The following GPR151 variants were observed in gnomAD, a reference collection of about 807,000 sequenced individuals.
GPR151 encodes G protein-coupled receptor 151, also known as G-protein coupled receptor PGR7.
A neutral mutation model predicts 18.2 loss-of-function variants in GPR151; 16 were observed. The observed-to-expected ratio is 0.88, with a 90% CI of 0.60 to 1.34. GPR151 has a LOEUF of 1.34. Among genes scored for constraint, GPR151 ranks in the 40% most tolerant of loss-of-function variants. GPR151 has a pLI of 0.00. For missense variants in GPR151, 509 were observed against 504.3 expected, an observed-to-expected ratio of 1.01 and a Z score of -0.09; for synonymous variants, 202 against 191.2, an observed-to-expected ratio of 1.06 and a Z score of -0.47.
In GPR151 at chr5:146,514,636, T is replaced by C; in HGVS notation, c.*218A>G. ...GACAGCAACATCTTTACACAACACT[T>C]AAATTGTTTGGGAAGCCAAGTTCTA... On this transcript the variant is annotated 3_prime_UTR_variant, in exon 1 of 1. Transcript: ENST00000311104. 2.0e-6 allele frequency: 1 copy of C among 498,600 alleles called. No homozygotes were observed. Among genetic ancestry groups the C allele is most frequent in the Admixed American group, 3.8e-5 (1 of 26,528 alleles). The allele number at this position is 498,600 out of a possible 1,614,324, so 30.9% of individuals were successfully genotyped here.
Position 146,515,389 on chromosome 5 carries a change from T to C in GPR151, c.725A>G (p.Gln242Arg). 1 of 1,614,232 alleles carries C rather than the reference T, an allele frequency of 6.2e-7. No individual in the cohort carries two copies. The highest frequency in any genetic ancestry group is 8.5e-7 in the Non-Finnish European group (1 of 1,180,046). ...CACTGTGACTTGCTTTGAGCGTATC[T>C]GGTTTCTAAGATTTTGAGTCTTAGT... The part of the protein sequence containing the change: ...RGTKTQNLRN[Q>R]IRSKQVTVML... Residue 242 changes from glutamine to arginine, a missense_variant, in exon 1 of 1, where the codon CAG (glutamine) becomes CGG (arginine). Coordinates refer to ENST00000311104, the MANE Select transcript of GPR151 (RefSeq NM_194251.3).
chr5:146,515,301 C>G lies in GPR151; in HGVS notation c.813G>C (p.Leu271=). Residue 271 remains leucine, a synonymous_variant, in exon 1 of 1, where the codon CTG becomes CTC. Transcript: ENST00000311104. The stretch of plus-strand genomic sequence containing the variant: ...CTGCAGCCTTCAGATGCCATACCCA[C>G]AGCCAAGCTACCCATTCGGGGAGCC... The part of the protein sequence containing the change: ...LLWLPEWVAW[L]WVWHLKAAGP... The G allele has an allele frequency of 6.2e-7, 1 of 1,614,202 alleles. No individual in the cohort carries two copies. The highest frequency in any genetic ancestry group is 1.1e-5 in the South Asian group (1 of 91,082).
At position 146,515,006 on chromosome 5, in the gene GPR151, A is replaced by G; in HGVS notation, c.1108T>C (p.Ser370Pro). ...GCCTTCTCAGTTTTCCCTTTGCCAG[A>G]GGAGGGAGAGCTGGGTTTCTCTTTT... ...PEKEKPSSPS[S>P]GKGKTEKAEI... The change falls in exon 1 of 1, where the codon TCT becomes CCT. Residue 370 changes from serine (S) to proline (P), a missense_variant. Physicochemically the swap from Ser to Pro is moderately conservative, Grantham distance 74. Transcript: ENST00000311104. The G allele has an allele frequency of 1.2e-6, 2 of 1,614,158 alleles. No individual in the cohort carries two copies. The highest frequency in any genetic ancestry group is 1.7e-6 in the Non-Finnish European group (2 of 1,180,028).
chr5:146,515,567 C>G lies in GPR151; in HGVS notation c.547G>C (p.Gly183Arg). ...WFFSTIRHHEGVEMCLVDVPA... is the reference protein window; with the variant it reads ...WFFSTIRHHERVEMCLVDVPA... Reference sequence around the variant, plus strand: ...ACATCCACGAGGCACATTTCCACACCTTCATGATGCCTGATGGTGCTAAAG... The same window carrying G: ...ACATCCACGAGGCACATTTCCACACGTTCATGATGCCTGATGGTGCTAAAG... The change falls in exon 1 of 1, where the codon GGT (glycine) becomes CGT (arginine). Residue 183 changes from glycine (G) to arginine (R), a missense_variant. Gly to Arg is a moderately radical substitution (Grantham distance 125). Coordinates refer to ENST00000311104, the MANE Select transcript of GPR151 (RefSeq NM_194251.3). 2 of 1,614,164 alleles carry G rather than the reference C, an allele frequency of 1.2e-6. No individual in the cohort carries two copies. The highest frequency in any genetic ancestry group is 2.2e-5 in the South Asian group (2 of 91,060).
chr5:146,515,640 C>T lies in GPR151; in HGVS notation c.474G>A (p.Leu158=). The change falls in exon 1 of 1, where the codon CTG becomes CTA. Residue 158 remains leucine (L), a synonymous_variant. Coordinates refer to ENST00000311104, the MANE Select transcript of GPR151 (RefSeq NM_194251.3). ...GGCTAGCCACAGTCCAGATGGCCAC[C>T]AGCACTGACCAGATGGTGTAGTTGT... ...SIHNYTIWSV[L]VAIWTVASLL... is the part of the protein sequence containing the mutation. The T allele has an allele frequency of 6.2e-7, 1 of 1,614,154 alleles. No individual in the cohort carries two copies. The highest frequency in any genetic ancestry group is 8.5e-7 in the Non-Finnish European group (1 of 1,180,028).
At position 146,515,182 on chromosome 5, in the gene GPR151, T is replaced by C; in HGVS notation, c.932A>G (p.Glu311Gly). The stretch of plus-strand genomic sequence containing the variant: ...ACCTTTCAAGCCTTCCCTGAACTCT[T>C]CCGACATCACAAGAAAAATGAGAGG... ...ANPLIFLVMS[E>G]EFREGLKGVW... Residue 311 changes from glutamate to glycine, a missense_variant, in exon 1 of 1, where the codon GAA becomes GGA. Coordinates refer to ENST00000311104, the MANE Select transcript of GPR151 (RefSeq NM_194251.3). 1 of 1,614,142 alleles carries C rather than the reference T, an allele frequency of 6.2e-7. No individual in the cohort carries two copies. Among genetic ancestry groups the C allele is most frequent in the Non-Finnish European group, 8.5e-7 (1 of 1,180,004 alleles).
chr5:146,513,700 C>T lies in GPR151; in HGVS notation c.*1154G>A, dbSNP rs1206222030. ...AGATTTTACCGTATGTCTGGGTACA[C>T]AGTTTTACTGCTTTCTGCATTGCCC... is the stretch of plus-strand genomic sequence containing the variant. On this transcript the variant is annotated 3_prime_UTR_variant, in exon 1 of 1. Coordinates refer to ENST00000311104, the MANE Select transcript of GPR151 (RefSeq NM_194251.3). 1 of 152,200 alleles carries T rather than the reference C, an allele frequency of 6.6e-6. No individual in the cohort carries two copies. The highest frequency in any genetic ancestry group is 1.5e-5 in the Non-Finnish European group (1 of 68,024). 9.4% of individuals were successfully genotyped at this position (152,200 alleles called of 1,614,324 possible).
chr5:146,516,016 T>C lies in GPR151; in HGVS notation c.98A>G (p.Gln33Arg), dbSNP rs1296547608. Residue 33 changes from glutamine (Q) to arginine (R), a missense_variant, in exon 1 of 1, where the codon CAG (glutamine) becomes CGG (arginine). Coordinates refer to ENST00000311104, the MANE Select transcript of GPR151 (RefSeq NM_194251.3). ...AGCCGGGATGATGGTTCTCCAGTCC[T>C]GGGAATCAGAGGGCAGGTACCCTCC... ...FAGGYLPSDS[Q>R]DWRTIIPALL... 6.2e-7 allele frequency: 1 copy of C among 1,613,792 alleles called. No homozygotes were observed. The highest frequency in any genetic ancestry group is 8.5e-7 in the Non-Finnish European group (1 of 1,179,938).
In GPR151 at chr5:146,514,863, A is replaced by C. The variant is rs1476932189; in HGVS notation, c.1251T>G (p.Gly417=). ...WEHEDQETGE[G]VK is the part of the protein sequence containing the mutation. ...GCTTTGAAACTTAAATCTATTTAACACCTTCCCCTGTCTCTTGATCTTCAT... is the reference window on the plus strand; with the variant it reads ...GCTTTGAAACTTAAATCTATTTAACCCCTTCCCCTGTCTCTTGATCTTCAT... The change falls in exon 1 of 1, where the codon GGT becomes GGG. Residue 417 remains glycine (G), a synonymous_variant. Transcript: ENST00000311104. The C allele has an allele frequency of 1.9e-6, 3 of 1,579,442 alleles. No individual in the cohort carries two copies. Among genetic ancestry groups the C allele is most frequent in the Non-Finnish European group, 2.6e-6 (3 of 1,163,368 alleles).
In GPR151 at chr5:146,514,890, T is replaced by G. The variant is rs1768576875; in HGVS notation, c.1224A>C (p.Glu408Asp). ...SVQDNDPIPW[E>D]HEDQETGEGV... ...CTTCCCCTGTCTCTTGATCTTCATGTTCCCAGGGGATAGGGTCATTGTCCT... is the reference window on the plus strand; with the variant it reads ...CTTCCCCTGTCTCTTGATCTTCATGGTCCCAGGGGATAGGGTCATTGTCCT... The change falls in exon 1 of 1, where the codon GAA becomes GAC. Residue 408 changes from glutamate (E) to aspartate (D), a missense_variant. Transcript: ENST00000311104. The G allele has an allele frequency of 1.3e-6, 2 of 1,598,832 alleles. No individual in the cohort carries two copies. The highest frequency in any genetic ancestry group is 2.3e-5 in the South Asian group (2 of 87,968).
chr5:146,515,166 G>A lies in GPR151; in HGVS notation c.948C>T (p.Gly316=), dbSNP rs765091998. The change falls in exon 1 of 1, where the codon GGC becomes GGT. Residue 316 remains glycine (G), a synonymous_variant. Transcript: ENST00000311104. ...TCATCCATTTCCATACACCTTTCAA[G>A]CCTTCCCTGAACTCTTCCGACATCA... ...FLVMSEEFRE[G]LKGVWKWMIT... 4.3e-6 allele frequency: 7 copies of A among 1,614,114 alleles called. No homozygotes were observed. The Admixed American group carries it at 1.0e-4, about 23-fold the overall frequency.
In GPR151 at chr5:146,513,253, C is replaced by T. The variant is rs894332396; in HGVS notation, c.*1601G>A. 2.0e-5 allele frequency: 3 copies of T among 151,966 alleles called. No individual in the cohort carries two copies. Among genetic ancestry groups the T allele is most frequent in the South Asian group, 2.1e-4 (1 of 4,818 alleles). 9.4% of individuals were successfully genotyped at this position (151,966 alleles called of 1,614,324 possible). ...CAATGATAATCCTTTTTATAACTACCATATCACAAGACAATATTTTGGATT... is the reference window on the plus strand; with the variant it reads ...CAATGATAATCCTTTTTATAACTACTATATCACAAGACAATATTTTGGATT... On this transcript the variant is annotated 3_prime_UTR_variant, in exon 1 of 1. Transcript: ENST00000311104.
rs1406040222 is a variant in GPR151, at chr5:146,514,163, A to G, written c.*691T>C. On this transcript the variant is annotated 3_prime_UTR_variant, in exon 1 of 1. Transcript: ENST00000311104. ...TTAGAAACTGAAGACTCATTCAGGTAGCTTTAAAAAGTTCACTGAAGCAGG... is the reference window on the plus strand; with the variant it reads ...TTAGAAACTGAAGACTCATTCAGGTGGCTTTAAAAAGTTCACTGAAGCAGG... 1 of 152,236 alleles carries G rather than the reference A, an allele frequency of 6.6e-6. No individual in the cohort carries two copies. The highest frequency in any genetic ancestry group is 6.5e-5 in the Admixed American group (1 of 15,286). The allele number at this position is 152,236 out of a possible 1,614,324, so 9.4% of individuals were successfully genotyped here.
chr5:146,514,864 C>T lies in GPR151; in HGVS notation c.1250G>A (p.Gly417Asp). Residue 417 changes from glycine (G) to aspartate (D), a missense_variant, in exon 1 of 1, where the codon GGT becomes GAT. Coordinates refer to ENST00000311104, the MANE Select transcript of GPR151 (RefSeq NM_194251.3). ...CTTTGAAACTTAAATCTATTTAACA[C>T]CTTCCCCTGTCTCTTGATCTTCATG... Reference protein sequence around the residue: ...WEHEDQETGEGVK With the variant: ...WEHEDQETGEDVK 1 of 1,583,930 alleles carries T rather than the reference C, an allele frequency of 6.3e-7. No homozygotes were observed. Among genetic ancestry groups the T allele is most frequent in the Non-Finnish European group, 8.6e-7 (1 of 1,165,028 alleles).
Position 146,514,612 on chromosome 5 carries a change from A to G in GPR151, c.*242T>C. On this transcript the variant is annotated 3_prime_UTR_variant, in exon 1 of 1. Transcript: ENST00000311104. Reference sequence around the variant, plus strand: ...ATAGCCAGGCTGTCTAATCACTTTGACAGCAACATCTTTACACAACACTTA... The same window carrying G: ...ATAGCCAGGCTGTCTAATCACTTTGGCAGCAACATCTTTACACAACACTTA... 7 of 439,254 alleles carry G rather than the reference A, an allele frequency of 1.6e-5. No homozygotes were observed. Among genetic ancestry groups the G allele is most frequent in the South Asian group, 8.6e-5 (2 of 23,260 alleles). The allele number at this position is 439,254 out of a possible 1,614,324, so 27.2% of individuals were successfully genotyped here.
In GPR151 at chr5:146,515,116, G is replaced by C. The variant is rs1422405315; in HGVS notation, c.998C>G (p.Ser333Ter). 5 of 1,614,128 alleles carry C rather than the reference G, an allele frequency of 3.1e-6. No individual in the cohort carries two copies. In the South Asian group the frequency reaches 4.4e-5, roughly 14 times the overall value. ...GCCAGCTGGTGTTTCCTGAGACTCT[G>C]AGACAGTTGGAGGTTTTTTGGTTAT... is the stretch of plus-strand genomic sequence containing the variant. Reference protein sequence around the residue: ...WMITKKPPTVSESQETPAGNS... With the variant: ...WMITKKPPTV Residue 333 changes from serine to a stop codon, truncating the protein, a stop_gained, in exon 1 of 1, where the codon TCA becomes TGA. Coordinates refer to ENST00000311104, the MANE Select transcript of GPR151 (RefSeq NM_194251.3). LOFTEE classifies it low-confidence loss of function (END_TRUNC).
Position 146,513,696 on chromosome 5 carries a change from T to C in GPR151, c.*1158A>G, listed in dbSNP as rs1032204448. On this transcript the variant is annotated 3_prime_UTR_variant, in exon 1 of 1. Coordinates refer to ENST00000311104, the MANE Select transcript of GPR151 (RefSeq NM_194251.3). The stretch of plus-strand genomic sequence containing the variant: ...ACTCAGATTTTACCGTATGTCTGGG[T>C]ACACAGTTTTACTGCTTTCTGCATT... The C allele has an allele frequency of 3.3e-5, 5 of 152,244 alleles. No individual in the cohort carries two copies. Among genetic ancestry groups the C allele is most frequent in the Admixed American group, 3.3e-4 (5 of 15,288 alleles). 9.4% of individuals were successfully genotyped at this position (152,244 alleles called of 1,614,324 possible). A position where few individuals can be genotyped will look rare whatever the true frequency, so the allele number is the denominator to read the frequency against.
Position 146,515,070 on chromosome 5 carries a change from G to T in GPR151, c.1044C>A (p.Asp348Glu). ...CTGGGGATTCTGGAGATGGAACCTTGTCAGGAAGACCCTCTGAGTTGCCAG... is the reference window on the plus strand; with the variant it reads ...CTGGGGATTCTGGAGATGGAACCTTTTCAGGAAGACCCTCTGAGTTGCCAG... ...TPAGNSEGLP[D>E]KVPSPESPAS... is the part of the protein sequence containing the mutation. The change falls in exon 1 of 1, where the codon GAC becomes GAA. Residue 348 changes from aspartate (D) to glutamate (E), a missense_variant. Coordinates refer to ENST00000311104, the MANE Select transcript of GPR151 (RefSeq NM_194251.3). The T allele has an allele frequency of 6.2e-7, 1 of 1,614,172 alleles. No homozygotes were observed. Among genetic ancestry groups the T allele is most frequent in the Non-Finnish European group, 8.5e-7 (1 of 1,180,012 alleles).
rs751264556 is a variant in GPR151 at position 146,515,741 on chromosome 5, T to A, written c.373A>T (p.Lys125Ter). 6.2e-7 allele frequency: 1 copy of A among 1,614,226 alleles called. No individual in the cohort carries two copies. Among genetic ancestry groups the A allele is most frequent in the South Asian group, 1.1e-5 (1 of 91,080 alleles). ...GCCACCACAACGATTGTCAGGCTCT[T>A]GGCTGCCATGCATGTGTGGATAAAC... is the stretch of plus-strand genomic sequence containing the variant. ...DWFIHTCMAA[K>*]SLTIVVVAKV... The change falls in exon 1 of 1, where the codon AAG (lysine) becomes TAG (stop). Residue 125 changes from lysine to a stop codon, truncating the protein, a stop_gained. Transcript: ENST00000311104. LOFTEE classifies it high-confidence loss of function.
Sources: allele counts gnomAD v4.1 joint callset, GRCh38; gene constraint gnomAD v4.1.1; transcripts MANE v1.5; gene names NCBI Gene and HGNC (gene_info 2026-07-23, HGNC 2026-07-21).